The following PDE4B variants were observed in gnomAD, a reference collection of about 807,000 sequenced individuals.
PDE4B encodes phosphodiesterase 4B.
PDE4B carries 20 observed loss-of-function variants against 82.2 expected under a neutral mutation model. The observed-to-expected ratio is 0.24, with a 90% CI of 0.17 to 0.35. The LOEUF is 0.35. PDE4B is among the 10% of genes least tolerant of loss of function. The probability of loss-of-function intolerance (pLI) is 1.00; values close to 1 mark genes in which losing one functional copy is unlikely to be tolerated. For synonymous variants in PDE4B, 320 were observed against 318.9 expected (o/e 1.00, Z -0.04); for missense variants, 655 against 907.2 (o/e 0.72, Z 3.57).
chr1:66,085,866 G>A (rs1048294172), intron 3 of PDE4B, among the ~76,000 whole-genome samples: 5 of 152,034 alleles, frequency 3.3e-5, no homozygotes, highest in African/African-American at 4.8e-5. Flanking sequence ...GCAAGTTTGC[G>A]CACCTGTCTT....
chr1:66,293,341 A>G (rs565010219), intron 7 of PDE4B, among the ~76,000 whole-genome samples: 3 of 151,434 alleles, frequency 2.0e-5, no homozygotes, highest in Non-Finnish European at 4.4e-5. Context: ...CACCCTCCCA[A>G]GCAAATATTT....
At chr1:66,141,583 TCTCAGAAAGCCTC>T (rs1313317566) in intron 3 of PDE4B, among the ~76,000 whole-genome samples, 1 of 151,710 alleles carries the variant, frequency 6.6e-6, no homozygotes, top group Non-Finnish European at 1.5e-5. Context: ...TGAGGAGTAG[TCTCAGAAAGCCTC>T]CTCAGAAAGC....
intron 3 of PDE4B, among the ~76,000 whole-genome samples, chr1:66,106,796 ATT>A (rs554146332): frequency 0.025 from 3,350 of 132,942 alleles, 78 homozygotes; most frequent in Admixed American, 0.051. Flanking sequence ...CCCCTTTATC[ATT>A]TTTTATTGCA....
intron 7 of PDE4B, among the ~76,000 whole-genome samples, chr1:66,272,616 T>C (rs1465287101): frequency 8.5e-6 from 1 of 118,228 alleles, no homozygotes. Flanking sequence ...CCAACTCCTT[T>C]AGTCTTTTTC....
rs141222745 is a variant in PDE4B, at chr1:66,295,407, A to C, written c.634+29320A>C. On this transcript the variant is annotated intron_variant, in intron 7 of 16. Coordinates refer to ENST00000341517, the MANE Select transcript of PDE4B (RefSeq NM_002600.4). Reference sequence around the variant, plus strand: ...TTTACTTGATATTTTCTATTCTATTATATTTTATTCCATTCTATTCTTTTT... The same window carrying C: ...TTTACTTGATATTTTCTATTCTATTCTATTTTATTCCATTCTATTCTTTTT... Among the ~76,000 whole-genome samples the C allele has an allele frequency of 5.9e-5, 9 of 152,116 alleles. No individual in the cohort carries two copies. In the East Asian group the frequency reaches 1.5e-3, roughly 26 times the overall value.
chr1:65,979,327 A>G (rs1308795639), intron 3 of PDE4B, among the ~76,000 whole-genome samples: 1 of 152,202 alleles, frequency 6.6e-6, no homozygotes, highest in African/African-American at 2.4e-5. Flanking sequence ...TCTGTGAATC[A>G]TTCCTTGGTA....
chr1:65,838,487 A>G (rs1338903533), intron 1 of PDE4B, among the ~76,000 whole-genome samples: 1 of 148,316 alleles, frequency 6.7e-6, no homozygotes, highest in Non-Finnish European at 1.5e-5. Context: ...ATATATACGT[A>G]TATGTATATA....
chr1:66,336,887 GT>G (rs1660563782), intron 8 of PDE4B, among the ~76,000 whole-genome samples: 1 of 152,174 alleles, frequency 6.6e-6, no homozygotes, highest in African/African-American at 2.4e-5. Context: ...GTGCTCTTGG[GT>G]TTGCAGGATA....
chr1:66,266,138 C>T (rs1414278585), intron 7 of PDE4B, 51 bp downstream of exon 7: 1 of 1,317,800 alleles, frequency 7.6e-7, no homozygotes, highest in Admixed American at 1.7e-5. Context: ...GAATAATAAA[C>T]ATGCCTCTTA....
At chr1:65,979,665 A>G (rs1650585137) in intron 3 of PDE4B, among the ~76,000 whole-genome samples, 1 of 152,170 alleles carries the variant, frequency 6.6e-6, no homozygotes, top group Non-Finnish European at 1.5e-5. Context: ...GGTTGAAGTG[A>G]CTGAGGATGA....
intron 1 of PDE4B, among the ~76,000 whole-genome samples, chr1:65,878,118 C>A (rs532513972): frequency 5.5e-4 from 83 of 151,660 alleles, no homozygotes; most frequent in African/African-American, 2.0e-3. Flanking sequence ...ATGCAGCCAA[C>A]AAACATGAAA....
chr1:66,140,818 T>A lies in PDE4B; in HGVS notation c.282-106642T>A, dbSNP rs368715299. Among the ~76,000 whole-genome samples, 17 of 152,346 alleles carry A rather than the reference T, an allele frequency of 1.1e-4. No homozygotes were observed. In the East Asian group the frequency reaches 3.1e-3, roughly 28 times the overall value. ...GGAGTAGGCGTTTCACAGATTGCTC[T>A]ACTACTTGGAATATGATTTCACATA... On this transcript the variant is annotated intron_variant, in intron 3 of 16. Transcript: ENST00000341517.
At chr1:66,271,411 A>T (rs1381163702) in intron 7 of PDE4B, among the ~76,000 whole-genome samples, 2 of 152,216 alleles carry the variant, frequency 1.3e-5, no homozygotes, top group African/African-American at 4.8e-5. Flanking sequence ...AGTTGGAATC[A>T]TGCATGTTAG....
intron 6 of PDE4B, among the ~76,000 whole-genome samples, chr1:66,260,221 G>A (rs1386813230): frequency 6.6e-6 from 1 of 152,160 alleles, no homozygotes; most frequent in East Asian, 1.9e-4. Flanking sequence ...AAAACTTAGG[G>A]AGAATAAATG....
intron 3 of PDE4B, among the ~76,000 whole-genome samples, chr1:66,171,901 C>T (rs542904447): frequency 6.6e-5 from 10 of 152,244 alleles, no homozygotes; most frequent in South Asian, 2.1e-4. Context: ...AAGTACTTAG[C>T]GCAGGACCTT....
chr1:66,207,843 G>C (rs1424025700), intron 3 of PDE4B, among the ~76,000 whole-genome samples: 1 of 152,104 alleles, frequency 6.6e-6, no homozygotes, highest in African/African-American at 2.4e-5. Context: ...AATACTCTTT[G>C]AGTACTTTTA....
chr1:65,833,784 T>G lies in PDE4B; in HGVS notation c.-71+40536T>G, dbSNP rs577975643. Reference sequence around the variant, plus strand: ...CAGTGTACTGAACAAATTATTAAATTTTCAGAAATTTTTTGAGTCAGTTGT... The same window carrying G: ...CAGTGTACTGAACAAATTATTAAATGTTCAGAAATTTTTTGAGTCAGTTGT... On this transcript the variant is annotated intron_variant, in intron 1 of 16. Transcript: ENST00000341517. Among the ~76,000 whole-genome samples the G allele has an allele frequency of 9.8e-5, 15 of 152,320 alleles. No homozygotes were observed. In the South Asian group the frequency reaches 3.1e-3, roughly 32 times the overall value.
chr1:65,959,806 G>A (rs1047254758), intron 3 of PDE4B, among the ~76,000 whole-genome samples: 9 of 152,030 alleles, frequency 5.9e-5, no homozygotes, highest in Non-Finnish European at 1.2e-4. Flanking sequence ...TGAATTCGAC[G>A]ATTCAGTAAA....
chr1:65,827,678 T>G (rs931506124), intron 1 of PDE4B, among the ~76,000 whole-genome samples: 3 of 152,020 alleles, frequency 2.0e-5, no homozygotes, highest in African/African-American at 7.2e-5. Flanking sequence ...ATTCTACATC[T>G]AACTGGAATC....
Sources: allele counts gnomAD v4.1 joint callset (sites outside exome capture counted in the v4.1 genomes callset), GRCh38; gene constraint gnomAD v4.1.1; transcripts MANE v1.5; gene names NCBI Gene and HGNC (gene_info 2026-07-23, HGNC 2026-07-21).